Variants in FAF1 observed in about 807,000 individuals in gnomAD.
The protein encoded by FAF1 is Fas associated factor 1.
In FAF1, 25 loss-of-function variants were observed where a neutral mutation model predicts 92.5. The ratio of observed to expected loss-of-function variants is 0.27; its 90% confidence interval spans 0.20 to 0.38. The LOEUF (loss-of-function observed/expected upper bound fraction) is 0.38, where lower values mean the gene tolerates loss of function less well. Among genes scored for constraint, FAF1 ranks in the 10% least tolerant of loss-of-function variants. The pLI is 1.00. For synonymous variants in FAF1, 234 were observed against 273.2 expected (o/e 0.86, Z 1.42); for missense variants, 636 against 793.3 (o/e 0.80, Z 2.38).
At chr1:50,480,302 CACTT>C (rs940926545) in intron 17 of FAF1, among the ~76,000 whole-genome samples, 28 of 152,146 alleles carry the variant, frequency 1.8e-4, no homozygotes, top group African/African-American at 5.1e-4. Flanking sequence ...GAATAATACA[CACTT>C]ACAACAGTCT....
At chr1:50,764,640 C>G (rs920373407) in intron 4 of FAF1, among the ~76,000 whole-genome samples, 1 of 152,174 alleles carries the variant, frequency 6.6e-6, no homozygotes. Context: ...CATAGGCCTA[C>G]GCTGCCTAAT....
intron 6 of FAF1, among the ~76,000 whole-genome samples, chr1:50,706,964 C>G (rs900754306): frequency 9.2e-5 from 14 of 151,974 alleles, no homozygotes; most frequent in African/African-American, 3.4e-4. Flanking sequence ...AGCACTTTGG[C>G]AGGCCGAGGC....
intron 1 of FAF1, among the ~76,000 whole-genome samples, chr1:50,948,646 C>T (rs1029791085): frequency 7.9e-5 from 12 of 151,796 alleles, no homozygotes; most frequent in Non-Finnish European, 1.6e-4. Context: ...GATTCTCACG[C>T]CTCAGCCTCC....
chr1:50,816,827 T>G (rs1020137268), intron 2 of FAF1, among the ~76,000 whole-genome samples: 1 of 152,214 alleles, frequency 6.6e-6, no homozygotes, highest in African/African-American at 2.4e-5. Context: ...TTACATTTAA[T>G]TCTTTCATCC....
At chr1:50,442,143 C>G (rs893884878) in intron 18 of FAF1, among the ~76,000 whole-genome samples, 2 of 151,924 alleles carry the variant, frequency 1.3e-5, no homozygotes, top group African/African-American at 4.8e-5. Context: ...TAGACAAAAT[C>G]TTGGCTGAGT....
chr1:50,686,594 A>G (rs1245223718), intron 7 of FAF1, among the ~76,000 whole-genome samples: 2 of 58,808 alleles, frequency 3.4e-5, no homozygotes, highest in African/African-American at 1.4e-4. Context: ...GAGGAGGGAA[A>G]GGGAGAGGAG....
intron 8 of FAF1, among the ~76,000 whole-genome samples, chr1:50,621,596 C>T (rs142888945): frequency 1.3e-5 from 2 of 151,814 alleles, no homozygotes; most frequent in African/African-American, 4.8e-5. Flanking sequence ...GACAGGGTTT[C>T]ACCATGTTGC....
chr1:50,743,293 A>C (rs1056691334), intron 5 of FAF1, among the ~76,000 whole-genome samples: 4 of 152,212 alleles, frequency 2.6e-5, no homozygotes, highest in Non-Finnish European at 5.9e-5. Context: ...AGAAGAACTG[A>C]ACCAAAAGTT....
intron 13 of FAF1, among the ~76,000 whole-genome samples, chr1:50,555,866 C>T (rs1649549515): frequency 6.6e-6 from 1 of 151,510 alleles, no homozygotes; most frequent in African/African-American, 2.4e-5. Context: ...CTTCAAGTAC[C>T]CATTAACCAA....
intron 1 of FAF1, among the ~76,000 whole-genome samples, chr1:50,858,198 C>T (rs1253695531): frequency 6.6e-6 from 1 of 151,472 alleles, no homozygotes; most frequent in Non-Finnish European, 1.5e-5. Flanking sequence ...ATTTACATTG[C>T]TCTGAAAAAA....
At chr1:50,739,064 T>G in intron 5 of FAF1, 110 bp from the exon 6 acceptor site, 1 of 697,790 alleles carries the variant, frequency 1.4e-6, no homozygotes, top group Non-Finnish European at 2.4e-6. Flanking sequence ...TTTTATCTTT[T>G]GATAATTTCC....
chr1:50,527,273 C>T (rs185326511), intron 15 of FAF1, among the ~76,000 whole-genome samples: 15 of 152,084 alleles, frequency 9.9e-5, no homozygotes, highest in African/African-American at 3.6e-4. Context: ...GTGCTATTGG[C>T]CACTTGTATA....
At chr1:50,593,095 T>C (rs1361310619) in intron 9 of FAF1, among the ~76,000 whole-genome samples, 8 of 152,058 alleles carry the variant, frequency 5.3e-5, no homozygotes, top group Non-Finnish European at 1.5e-5. Context: ...TGCTCAAAAA[T>C]GAAACTGGTT....
At chr1:50,445,359 T>G (rs550544764) in intron 18 of FAF1, among the ~76,000 whole-genome samples, 2 of 152,290 alleles carry the variant, frequency 1.3e-5, no homozygotes, top group South Asian at 4.1e-4. Flanking sequence ...TGGAGCAGAT[T>G]AAGTAACTTG....
chr1:50,881,910 A>C (rs987252889), intron 1 of FAF1, among the ~76,000 whole-genome samples: 1 of 152,168 alleles, frequency 6.6e-6, no homozygotes, highest in African/African-American at 2.4e-5. Flanking sequence ...GTAAAGCATA[A>C]ATTTTTCAGC....
At position 50,563,899 on chromosome 1, in the gene FAF1, T is replaced by C. The variant is rs189316396; in HGVS notation, c.1268+3178A>G. The stretch of plus-strand genomic sequence containing the variant: ...AAGAAAGAAGGTTATTAGAATCATT[T>C]AAGAGGTGTAAAAATCCAAATCATC... On this transcript the variant is annotated intron_variant, in intron 13 of 18. Transcript: ENST00000396153. Among the ~76,000 whole-genome samples, 231 of 152,326 alleles carry C rather than the reference T, an allele frequency of 1.5e-3. 1 individual carries two copies. Among genetic ancestry groups the C allele is most frequent in the South Asian group, 0.011 (51 of 4,828 alleles).
At chr1:50,944,470 A>G (rs1645158652) in intron 1 of FAF1, among the ~76,000 whole-genome samples, 1 of 152,170 alleles carries the variant, frequency 6.6e-6, no homozygotes, top group South Asian at 2.1e-4. Context: ...TTGCTACAAA[A>G]TCAGTATGTC....
chr1:50,956,532 T>C (rs1645268148), intron 1 of FAF1, among the ~76,000 whole-genome samples: 1 of 152,246 alleles, frequency 6.6e-6, no homozygotes, highest in African/African-American at 2.4e-5. Flanking sequence ...CTCACAATCA[T>C]ATGATATAAA....
At chr1:50,924,045 T>C (rs1644985835) in intron 1 of FAF1, among the ~76,000 whole-genome samples, 2 of 152,132 alleles carry the variant, frequency 1.3e-5, no homozygotes, top group Admixed American at 6.5e-5. Context: ...TTATTCAACA[T>C]AGTACTAGAA....
Sources: allele counts gnomAD v4.1 joint callset (sites outside exome capture counted in the v4.1 genomes callset), GRCh38; gene constraint gnomAD v4.1.1; transcripts MANE v1.5; gene names NCBI Gene and HGNC (gene_info 2026-07-23, HGNC 2026-07-21).